Variants in OTULINL observed in about 807,000 individuals in gnomAD.
OTULINL encodes inactive ubiquitin thioesterase OTULINL.
A neutral mutation model predicts 43.9 loss-of-function variants in OTULINL; 42 were observed. The ratio of observed to expected loss-of-function variants is 0.96; its 90% CI spans 0.75 to 1.24. The LOEUF (loss-of-function observed/expected upper bound fraction) is 1.24. OTULINL is among the 50% of genes most tolerant of loss of function. The pLI, the probability that OTULINL is intolerant of heterozygous loss-of-function variation, is 0.00. For synonymous variants in OTULINL, 172 were observed against 153.6 expected (o/e 1.12, Z -0.88); for missense variants, 411 against 426.4 (o/e 0.96, Z 0.32).
At chr5:14,609,181 G>A (rs1160290834) in intron 7 of OTULINL, among the ~76,000 whole-genome samples, 164 bp downstream of exon 7, 1 of 152,180 alleles carries the variant, frequency 6.6e-6, no homozygotes, top group Non-Finnish European at 1.5e-5. Flanking sequence ...ACTAATAAAT[G>A]CATTATTCTG....
rs761917185 is a variant in OTULINL at position 14,601,465 on chromosome 5, T to A, written c.348+23T>A. The A allele has an allele frequency of 6.9e-6, 11 of 1,585,158 alleles. No homozygotes were observed. In the African/African-American group the frequency reaches 1.4e-4, roughly 19 times the overall value. ...AAGGTGTGTCTGTTTTTAGAGGGTA[T>A]GGGAGAAATAGAGTTTGTCTGTCAA... On this transcript the variant is annotated intron_variant, in intron 4 of 7. Coordinates refer to ENST00000274217, the MANE Select transcript of OTULINL (RefSeq NM_019018.3).
At chr5:14,609,143 T>A (rs938148123) in intron 7 of OTULINL, 126 bp downstream of exon 7, 1 of 922,128 alleles carries the variant, frequency 1.1e-6, no homozygotes, top group Non-Finnish European at 1.7e-6. Flanking sequence ...TTGATTGATA[T>A]TATCGCCCCT....
intron 7 of OTULINL, 112 bp from the exon 8 acceptor site, chr5:14,610,029 T>A (rs1440106084): frequency 1.1e-6 from 1 of 874,666 alleles, no homozygotes; most frequent in East Asian, 2.5e-5. Context: ...TGGGTGGGTC[T>A]GTCAACAAGC....
chr5:14,583,715 T>C (rs1321336383), intron 1 of OTULINL, among the ~76,000 whole-genome samples: 1 of 152,216 alleles, frequency 6.6e-6, no homozygotes, highest in Non-Finnish European at 1.5e-5. Context: ...ACATAACTTC[T>C]GATGACTTAC....
rs780757565 is a variant in OTULINL, at chr5:14,602,197, A to G, written c.363A>G (p.Leu121=). The G allele has an allele frequency of 3.9e-5, 63 of 1,606,640 alleles. No individual in the cohort carries two copies. The East Asian group carries it at 1.4e-3, about 35-fold the overall frequency. The change falls in exon 5 of 8, where the codon CTA becomes CTG. Residue 121 remains leucine (L), a synonymous_variant. Coordinates refer to ENST00000274217, the MANE Select transcript of OTULINL (RefSeq NM_019018.3). ...NKLMRKAYEE[L]FWRHHIKCVR... ...TATTTTATTAGGCTTATGAGGAGCTATTTTGGCGGCATCACATTAAATGTG... is the reference window on the plus strand; with the variant it reads ...TATTTTATTAGGCTTATGAGGAGCTGTTTTGGCGGCATCACATTAAATGTG...
chr5:14,591,056 G>A (rs1291693082), intron 1 of OTULINL, among the ~76,000 whole-genome samples: 1 of 152,196 alleles, frequency 6.6e-6, no homozygotes, highest in Non-Finnish European at 1.5e-5. Flanking sequence ...AACTATTAGT[G>A]ATGGTGCCCA....
In OTULINL at chr5:14,600,842, A is replaced by G. The variant is rs901392002; in HGVS notation, c.65-123A>G. The stretch of plus-strand genomic sequence containing the variant: ...TTAAATACTTTAAAAATATTTATGT[A>G]AATCAGTGATAGATACTTTGCAGGT... On this transcript the variant is annotated intron_variant, in intron 1 of 7. Transcript: ENST00000274217. 2.1e-5 allele frequency: 18 copies of G among 859,636 alleles called. No individual in the cohort carries two copies. In the African/African-American group the frequency reaches 2.8e-4, roughly 13 times the overall value. 53.3% of individuals were successfully genotyped at this position (859,636 alleles called of 1,614,324 possible). A position where few individuals can be genotyped will look rare whatever the true frequency, so the allele number is the denominator to read the frequency against.
chr5:14,604,547 C>T (rs1370293293), intron 5 of OTULINL, among the ~76,000 whole-genome samples: 1 of 152,186 alleles, frequency 6.6e-6, no homozygotes, highest in Non-Finnish European at 1.5e-5. Flanking sequence ...CAAGTCCCTT[C>T]TTAAGGTATG....
In OTULINL at chr5:14,610,292, A is replaced by G; in HGVS notation, c.1049A>G (p.His350Arg). The G allele has an allele frequency of 6.2e-7, 1 of 1,613,142 alleles. No individual in the cohort carries two copies. Among genetic ancestry groups the G allele is most frequent in the Non-Finnish European group, 8.5e-7 (1 of 1,180,026 alleles). Residue 350 changes from histidine (H) to arginine (R), a missense_variant, in exon 8 of 8, where the codon CAC (histidine) becomes CGC (arginine). His to Arg is a conservative substitution (Grantham distance 29). Coordinates refer to ENST00000274217, the MANE Select transcript of OTULINL (RefSeq NM_019018.3). ...TCCCTGCTGACCGAGAACGACCGCC[A>G]CTACCACATTCCAGTCTTTTAAGTC... ...EISLLTENDR[H>R]YHIPVF
chr5:14,595,678 G>A, intron 1 of OTULINL, among the ~76,000 whole-genome samples: 1 of 82,808 alleles, frequency 1.2e-5, no homozygotes, highest in South Asian at 4.2e-4. Context: ...GTGTAGTTCT[G>A]ACCAACAGTC....
intron 1 of OTULINL, among the ~76,000 whole-genome samples, chr5:14,593,403 C>A (rs1387786752): frequency 6.6e-6 from 1 of 152,126 alleles, no homozygotes; most frequent in Non-Finnish European, 1.5e-5. Flanking sequence ...TTGGGGTCAT[C>A]AAGGCTAAGT....
chr5:14,615,974 A>AT lies in OTULINL; in HGVS notation c.*5661dup, dbSNP rs781537835. On this transcript the variant is annotated 3_prime_UTR_variant, in exon 8 of 8. Coordinates refer to ENST00000274217, the MANE Select transcript of OTULINL (RefSeq NM_019018.3). Reference sequence around the variant, plus strand: ...TAAAGTAGCTTTTTCCTTTTGAAACATCATTGTAAAACAGTGCTTTTTAAA... The same window carrying AT: ...TAAAGTAGCTTTTTCCTTTTGAAACATTCATTGTAAAACAGTGCTTTTTAAA... Among the ~76,000 whole-genome samples, 14 of 152,260 alleles carry AT rather than the reference A, an allele frequency of 9.2e-5. No individual in the cohort carries two copies. Among genetic ancestry groups the AT allele is most frequent in the Non-Finnish European group, 1.9e-4 (13 of 68,040 alleles).
chr5:14,583,497 T>G (rs1436607925), intron 1 of OTULINL, among the ~76,000 whole-genome samples: 1 of 152,170 alleles, frequency 6.6e-6, no homozygotes, highest in Non-Finnish European at 1.5e-5. Context: ...CTGGAAAGGC[T>G]GGTTTAGGAG....
intron 5 of OTULINL, among the ~76,000 whole-genome samples, chr5:14,604,022 G>A (rs561741593): frequency 6.6e-6 from 1 of 152,214 alleles, no homozygotes; most frequent in South Asian, 2.1e-4. Flanking sequence ...GCTAATTGCT[G>A]AGGACAAAGA....
At chr5:14,588,755 T>C (rs1220705561) in intron 1 of OTULINL, among the ~76,000 whole-genome samples, 2 of 152,228 alleles carry the variant, frequency 1.3e-5, no homozygotes, top group African/African-American at 2.4e-5. Flanking sequence ...AGATGGCTGC[T>C]GGAGCATCAG....
intron 4 of OTULINL, 36 bp from the exon 5 acceptor site, chr5:14,602,147 G>A (rs1283168766): frequency 1.3e-6 from 2 of 1,511,780 alleles, no homozygotes; most frequent in Non-Finnish European, 1.8e-6. Flanking sequence ...TTGTCCAGTG[G>A]AATTAATAAA....
intron 1 of OTULINL, among the ~76,000 whole-genome samples, chr5:14,589,834 C>T (rs1759167834): frequency 6.6e-6 from 1 of 152,080 alleles, no homozygotes; most frequent in Admixed American, 6.6e-5. Context: ...TGCCTGCAAT[C>T]CCAACTATTG....
chr5:14,590,957 A>G (rs1481368618), intron 1 of OTULINL, among the ~76,000 whole-genome samples: 1 of 152,218 alleles, frequency 6.6e-6, no homozygotes, highest in Non-Finnish European at 1.5e-5. Flanking sequence ...AGGAGATGAT[A>G]CATCCATCGA....
At chr5:14,600,920 A>G (rs1471971701) in intron 1 of OTULINL, 45 bp from the exon 2 acceptor site, 1 of 1,358,462 alleles carries the variant, frequency 7.4e-7, no homozygotes, top group South Asian at 2.0e-5. Flanking sequence ...AAACTTGTGT[A>G]ATTGTGATGT....
Sources: allele counts gnomAD v4.1 joint callset (sites outside exome capture counted in the v4.1 genomes callset), GRCh38; gene constraint gnomAD v4.1.1; transcripts MANE v1.5; gene names NCBI Gene and HGNC (gene_info 2026-07-23, HGNC 2026-07-21).